Variants in DCC observed in about 807,000 individuals in gnomAD.
The protein encoded by DCC is netrin receptor DCC.
Under a neutral mutation model 172.5 loss-of-function variants are expected in DCC, and 58 were observed. That is an observed-to-expected ratio of 0.34 (90% CI 0.27 to 0.42). The LOEUF is 0.42. DCC is among the 10% of genes least tolerant of loss of function. DCC has a pLI of 1.00. For missense variants in DCC, 1,740 were observed against 1,791.0 expected, an observed-to-expected ratio of 0.97 and a Z score of 0.51; for synonymous variants, 709 against 644.5, an observed-to-expected ratio of 1.10 and a Z score of -1.52.
intron 12 of DCC, among the ~76,000 whole-genome samples, chr18:53,225,799 C>T (rs913302879): frequency 1.3e-5 from 2 of 152,144 alleles, no homozygotes; most frequent in African/African-American, 4.8e-5. Flanking sequence ...GTTTGTTTTT[C>T]TCCCCATGGT....
At chr18:53,432,118 T>C (rs578092468) in intron 21 of DCC, among the ~76,000 whole-genome samples, 53 of 152,270 alleles carry the variant, frequency 3.5e-4, no homozygotes, top group Non-Finnish European at 7.6e-4. Flanking sequence ...CTTTTAATAA[T>C]ACTTTTGATA....
At chr18:52,357,954 A>AT (rs532581699) in intron 1 of DCC, among the ~76,000 whole-genome samples, 18,543 of 147,756 alleles carry the variant, frequency 0.13, 1,250 homozygotes, top group Middle Eastern at 0.17. Flanking sequence ...AAAAAAAAAA[A>AT]AATCTGACAA....
chr18:52,736,497 C>T (rs2036731995), intron 1 of DCC, among the ~76,000 whole-genome samples: 1 of 151,992 alleles, frequency 6.6e-6, no homozygotes, highest in Non-Finnish European at 1.5e-5. Flanking sequence ...ATTCCTCTGG[C>T]TGTGCAAGAG....
At chr18:52,554,195 T>C (rs2032850232) in intron 1 of DCC, among the ~76,000 whole-genome samples, 1 of 152,006 alleles carries the variant, frequency 6.6e-6, no homozygotes, top group Admixed American at 6.6e-5. Context: ...AAATGGCAGA[T>C]ATAAACTCTA....
intron 1 of DCC, among the ~76,000 whole-genome samples, chr18:52,635,532 AT>A (rs200112186): frequency 1.3e-5 from 2 of 152,312 alleles, no homozygotes; most frequent in East Asian, 1.9e-4. Context: ...GGAAAAACGT[AT>A]TTTTTTAAAG....
At chr18:52,399,899 A>G (rs754204036) in intron 1 of DCC, among the ~76,000 whole-genome samples, 4 of 151,982 alleles carry the variant, frequency 2.6e-5, no homozygotes, top group Non-Finnish European at 5.9e-5. Context: ...ATATTTGTAC[A>G]ATTAATATAT....
At chr18:52,474,883 C>A (rs1310422579) in intron 1 of DCC, among the ~76,000 whole-genome samples, 1 of 152,134 alleles carries the variant, frequency 6.6e-6, no homozygotes, top group Non-Finnish European at 1.5e-5. Context: ...ATCTTTAGAC[C>A]ATTGTTCAAT....
chr18:52,803,677 T>A (rs758782462), intron 2 of DCC, among the ~76,000 whole-genome samples: 12 of 152,116 alleles, frequency 7.9e-5, no homozygotes, highest in Non-Finnish European at 1.6e-4. Context: ...AAATGTCTAT[T>A]GAAAAAAATC....
chr18:52,820,100 G>A (rs1264493400), intron 2 of DCC, among the ~76,000 whole-genome samples: 4 of 152,092 alleles, frequency 2.6e-5, no homozygotes, highest in African/African-American at 9.7e-5. Flanking sequence ...GGACACATTT[G>A]GTTTCATTCA....
chr18:53,154,928 C>T (rs967312335), intron 7 of DCC, among the ~76,000 whole-genome samples: 13 of 152,104 alleles, frequency 8.5e-5, no homozygotes, highest in Non-Finnish European at 1.6e-4. Flanking sequence ...ACGCCATCCC[C>T]AGGCATCAAT....
intron 5 of DCC, among the ~76,000 whole-genome samples, chr18:53,051,344 G>T (rs62097951): frequency 6.6e-6 from 1 of 151,994 alleles, no homozygotes; most frequent in African/African-American, 2.4e-5. Flanking sequence ...CCTCTCATTT[G>T]CCCACCTTTG....
intron 3 of DCC, among the ~76,000 whole-genome samples, chr18:52,907,186 G>A (rs1196444272): frequency 6.9e-6 from 1 of 145,714 alleles, no homozygotes; most frequent in Non-Finnish European, 1.5e-5. Flanking sequence ...TACATGATAT[G>A]TATTATATAT....
intron 11 of DCC, among the ~76,000 whole-genome samples, chr18:53,209,427 T>C (rs934759953): frequency 1.3e-5 from 2 of 152,212 alleles, no homozygotes; most frequent in African/African-American, 4.8e-5. Flanking sequence ...GTGTGTTTAA[T>C]TCTATAAATT....
chr18:53,342,428 T>C (rs2057669415), intron 15 of DCC, among the ~76,000 whole-genome samples: 1 of 151,852 alleles, frequency 6.6e-6, no homozygotes, highest in African/African-American at 2.4e-5. Flanking sequence ...CAAACCACTT[T>C]TAAAACTCAC....
At chr18:53,444,078 C>A (rs533608516) in intron 22 of DCC, among the ~76,000 whole-genome samples, 2 of 152,266 alleles carry the variant, frequency 1.3e-5, no homozygotes, top group South Asian at 4.1e-4. Context: ...GGTAATATTA[C>A]GTAAACTTAG....
intron 5 of DCC, among the ~76,000 whole-genome samples, chr18:53,021,421 T>C (rs548243669): frequency 4.3e-4 from 65 of 152,326 alleles, no homozygotes; most frequent in African/African-American, 1.5e-3. Flanking sequence ...TATCGTGTTC[T>C]ATTATGAGTC....
At chr18:52,750,567 C>T (rs557693051) in intron 1 of DCC, among the ~76,000 whole-genome samples, 12 of 152,120 alleles carry the variant, frequency 7.9e-5, no homozygotes, top group South Asian at 2.1e-4. Flanking sequence ...TGACAGTGAG[C>T]GACACAAGAC....
chr18:53,167,162 C>T (rs1375901530), intron 8 of DCC, among the ~76,000 whole-genome samples: 1 of 152,154 alleles, frequency 6.6e-6, no homozygotes, highest in Non-Finnish European at 1.5e-5. Flanking sequence ...ATTTGTTGCT[C>T]AACTCACAAG....
intron 7 of DCC, among the ~76,000 whole-genome samples, chr18:53,133,442 G>A (rs1212301748): frequency 6.6e-6 from 1 of 152,132 alleles, no homozygotes; most frequent in African/African-American, 2.4e-5. Flanking sequence ...CACAGGGTTG[G>A]ACTGAGTTCA....
Sources: allele counts gnomAD v4.1 joint callset (sites outside exome capture counted in the v4.1 genomes callset), GRCh38; gene constraint gnomAD v4.1.1; transcripts MANE v1.5; gene names NCBI Gene and HGNC (gene_info 2026-07-23, HGNC 2026-07-21).